Variants in PTPRN2 observed in about 807,000 individuals in gnomAD.
The protein encoded by PTPRN2 is receptor-type tyrosine-protein phosphatase N2.
In PTPRN2, 74 loss-of-function variants were observed where a neutral mutation model predicts 118.8. The ratio of observed to expected loss-of-function variants is 0.62; its 90% CI spans 0.52 to 0.76. The LOEUF (loss-of-function observed/expected upper bound fraction) is 0.76, where lower values mean the gene tolerates loss of function less well. Ranked by LOEUF, PTPRN2 falls within the 30% of genes least tolerant of loss-of-function variation. The probability of loss-of-function intolerance (pLI) is 0.00; values close to 1 mark genes in which losing one functional copy is unlikely to be tolerated. For synonymous variants in PTPRN2, 641 were observed against 608.0 expected, an observed-to-expected ratio of 1.05 and a Z score of -0.80; for missense variants, 1,481 against 1,394.4, an observed-to-expected ratio of 1.06 and a Z score of -0.99.
Position 158,151,900 on chromosome 7 carries a change from G to T in PTPRN2, c.911-13385C>A, listed in dbSNP as rs530289530. Among the ~76,000 whole-genome samples, 9 of 152,290 alleles carry T rather than the reference G, an allele frequency of 5.9e-5. No homozygotes were observed. The East Asian group carries it at 1.7e-3, about 29-fold the overall frequency. On this transcript the variant is annotated intron_variant, in intron 6 of 22. Coordinates refer to ENST00000389418, the MANE Select transcript of PTPRN2 (RefSeq NM_002847.5). ...ATAAAAACCATGAATGCGGCCGGGC[G>T]CGGTGGCTCACGCCTGTAATCCCAG...
chr7:158,419,214 C>T (rs1815045464), intron 2 of PTPRN2, among the ~76,000 whole-genome samples: 1 of 152,224 alleles, frequency 6.6e-6, no homozygotes, highest in African/African-American at 2.4e-5. Flanking sequence ...TTGGCAGTAA[C>T]CTGTGTGTAG....
intron 11 of PTPRN2, among the ~76,000 whole-genome samples, chr7:157,927,061 G>A (rs1291209228): frequency 3.3e-5 from 4 of 122,254 alleles, no homozygotes; most frequent in South Asian, 2.8e-4. Context: ...GAGAGCAGAG[G>A]CCTCGCATCT....
At chr7:157,630,324 A>T (rs960358181) in intron 14 of PTPRN2, among the ~76,000 whole-genome samples, 11 of 152,366 alleles carry the variant, frequency 7.2e-5, no homozygotes, top group Admixed American at 4.6e-4. Flanking sequence ...AGAACAGATA[A>T]TGGTTAAAGG....
At chr7:158,394,525 G>A (rs1812182596) in intron 2 of PTPRN2, among the ~76,000 whole-genome samples, 1 of 152,218 alleles carries the variant, frequency 6.6e-6, no homozygotes, top group Non-Finnish European at 1.5e-5. Context: ...CCCACCTGGT[G>A]AGAATGGAGC....
At chr7:157,797,042 C>A (rs1039871781) in intron 12 of PTPRN2, among the ~76,000 whole-genome samples, 3 of 152,218 alleles carry the variant, frequency 2.0e-5, no homozygotes, top group Non-Finnish European at 2.9e-5. Context: ...GAGAATCACA[C>A]GGGAGGGGCC....
chr7:158,008,912 G>A (rs932080533), intron 11 of PTPRN2, among the ~76,000 whole-genome samples: 4 of 152,076 alleles, frequency 2.6e-5, no homozygotes, highest in Admixed American at 1.3e-4. Flanking sequence ...ATTTTATCAC[G>A]TTGATATACT....
intron 2 of PTPRN2, among the ~76,000 whole-genome samples, chr7:158,353,666 G>A (rs1223724072): frequency 6.6e-6 from 1 of 152,146 alleles, no homozygotes. Flanking sequence ...GGGGCCACCA[G>A]GAACAGAAAA....
At chr7:157,926,214 C>G (rs1386914966) in intron 11 of PTPRN2, among the ~76,000 whole-genome samples, 5 of 152,182 alleles carry the variant, frequency 3.3e-5, no homozygotes, top group Non-Finnish European at 5.9e-5. Context: ...TGCATTACCT[C>G]CCTCTATCTA....
rs1802223763 is a variant in PTPRN2 at position 157,609,757 on chromosome 7, T to C, written c.2345-5682A>G. Among the ~76,000 whole-genome samples the C allele has an allele frequency of 1.3e-5, 2 of 152,210 alleles. No individual in the cohort carries two copies. Among genetic ancestry groups the C allele is most frequent in the African/African-American group, 4.8e-5 (2 of 41,446 alleles). On this transcript the variant is annotated intron_variant, in intron 15 of 22. Transcript: ENST00000389418. This position sits in a 1 kb window ranked among gnomAD's most constrained non-coding sequence, Gnocchi z 4.9. ...ATGAGGAGCAAGGCTGAGATGACGGTGGACACGCACCCAACTGCGCAGGTC... is the reference window on the plus strand; with the variant it reads ...ATGAGGAGCAAGGCTGAGATGACGGCGGACACGCACCCAACTGCGCAGGTC...
chr7:158,020,426 A>G (rs184468774), intron 11 of PTPRN2, among the ~76,000 whole-genome samples: 60 of 152,310 alleles, frequency 3.9e-4, no homozygotes, highest in Non-Finnish European at 8.2e-4. Context: ...GGCCACCTGC[A>G]GCTCTGGGTT....
intron 2 of PTPRN2, among the ~76,000 whole-genome samples, chr7:158,366,561 G>A (rs561920569): frequency 1.3e-5 from 2 of 152,272 alleles, no homozygotes; most frequent in African/African-American, 4.8e-5. Flanking sequence ...ATGGCAACCC[G>A]GGAACAAGCC....
chr7:157,561,457 C>A (rs1799188286), intron 21 of PTPRN2, among the ~76,000 whole-genome samples: 1 of 152,256 alleles, frequency 6.6e-6, no homozygotes, highest in South Asian at 2.1e-4. Flanking sequence ...TCCCTGGAGC[C>A]CTGGAACACA....
At chr7:158,491,128 C>T (rs925574772) in intron 1 of PTPRN2, among the ~76,000 whole-genome samples, 1 of 152,246 alleles carries the variant, frequency 6.6e-6, no homozygotes, top group African/African-American at 2.4e-5. Flanking sequence ...TAAACCAGCA[C>T]GTGCGGAGGC....
chr7:158,070,954 T>TGGTGGAGGTGCTCAC (rs1340599756), intron 11 of PTPRN2, among the ~76,000 whole-genome samples: 1 of 112,922 alleles, frequency 8.9e-6, no homozygotes, highest in Non-Finnish European at 1.8e-5. Context: ...GTGCCCGTGG[T>TGGTGGAGGTGCTCAC]GGTGGAGGTG....
intron 6 of PTPRN2, among the ~76,000 whole-genome samples, chr7:158,154,398 C>A (rs1821510479): frequency 6.6e-6 from 1 of 152,228 alleles, no homozygotes; most frequent in African/African-American, 2.4e-5. Context: ...CCTGCTAATG[C>A]TCAGTATTTG....
At chr7:157,645,625 C>A (rs1805016623) in intron 14 of PTPRN2, among the ~76,000 whole-genome samples, 1 of 152,194 alleles carries the variant, frequency 6.6e-6, no homozygotes, top group Non-Finnish European at 1.5e-5. Context: ...GAACATATGG[C>A]TGTTAGGAGG....
intron 12 of PTPRN2, among the ~76,000 whole-genome samples, chr7:157,778,084 A>C (rs1803443228): frequency 6.6e-6 from 1 of 152,196 alleles, no homozygotes; most frequent in Admixed American, 6.5e-5. Context: ...GTCTAAAGTG[A>C]GCACAGCAAA....
At chr7:157,981,591 T>TG (rs57551260) in intron 11 of PTPRN2, among the ~76,000 whole-genome samples, 3 of 149,804 alleles carry the variant, frequency 2.0e-5, no homozygotes, top group South Asian at 4.2e-4. Flanking sequence ...CATTTTTTTT[T>TG]GTAGTAATTC....
chr7:157,749,352 C>T (rs1379341862), intron 12 of PTPRN2, among the ~76,000 whole-genome samples: 5 of 64,930 alleles, frequency 7.7e-5, no homozygotes, highest in Admixed American at 2.0e-4. Flanking sequence ...CCCTGAGCTA[C>T]AGGCTGTTGA....
Sources: allele counts gnomAD v4.1 joint callset (sites outside exome capture counted in the v4.1 genomes callset), GRCh38; gene constraint gnomAD v4.1.1; non-coding constraint Gnocchi (gnomAD v3.1); transcripts MANE v1.5; gene names NCBI Gene and HGNC (gene_info 2026-07-23, HGNC 2026-07-21).